The following LEF1 variants were observed in gnomAD, a reference collection of about 807,000 sequenced individuals.
LEF1 encodes lymphoid enhancer-binding factor 1.
Under a neutral mutation model 51.2 loss-of-function variants are expected in LEF1, and 14 were observed. The observed-to-expected ratio is 0.27, with a 90% CI of 0.18 to 0.43. The LOEUF (loss-of-function observed/expected upper bound fraction) is 0.43, where lower values mean the gene tolerates loss of function less well. Among genes scored for constraint, LEF1 ranks in the 20% least tolerant of loss-of-function variants. The pLI is 1.00. For missense variants in LEF1, 386 were observed against 512.0 expected (o/e 0.75, Z 2.37); for synonymous variants, 185 against 183.2 (o/e 1.01, Z -0.08).
At chr4:108,064,223 AAG>A in intron 10 of LEF1, 111 bp downstream of exon 10, 1 of 663,908 alleles carries the variant, frequency 1.5e-6, no homozygotes, top group Non-Finnish European at 2.6e-6. Flanking sequence ...AGCAGAGTTA[AAG>A]CATCATAAGT....
chr4:108,129,785 G>C (rs995263144), intron 3 of LEF1, among the ~76,000 whole-genome samples: 4 of 152,188 alleles, frequency 2.6e-5, no homozygotes. Flanking sequence ...GTTTATGTTA[G>C]TAAAAGGTGG....
intron 11 of LEF1, among the ~76,000 whole-genome samples, chr4:108,049,251 A>G (rs1417845446): frequency 1.3e-5 from 2 of 152,304 alleles, no homozygotes; most frequent in Non-Finnish European, 2.9e-5. Context: ...TCACACTCAC[A>G]GCCCAGAGGA....
intron 3 of LEF1, among the ~76,000 whole-genome samples, chr4:108,107,413 T>A (rs1156728862): frequency 6.6e-6 from 1 of 152,158 alleles, no homozygotes; most frequent in Non-Finnish European, 1.5e-5. Flanking sequence ...TATTAACTTG[T>A]GAGACTATAG....
chr4:108,162,726 A>G (rs1163016597), intron 3 of LEF1, among the ~76,000 whole-genome samples: 4 of 152,036 alleles, frequency 2.6e-5, no homozygotes, highest in Non-Finnish European at 5.9e-5. Flanking sequence ...AGAGAAGGTA[A>G]ATATATTGAT....
At position 108,064,324 on chromosome 4, in the gene LEF1, C is replaced by G. The variant is rs768201350; in HGVS notation, c.1165+12G>C. On this transcript the variant is annotated intron_variant, in intron 10 of 11. Coordinates refer to ENST00000265165, the MANE Select transcript of LEF1 (RefSeq NM_016269.5). ...AGCCTGAGGATTGACTGGAAAGTCT[C>G]ATGGTGCCTACCTGATGCAGATTCC... 3.5e-5 allele frequency: 56 copies of G among 1,605,744 alleles called. No individual in the cohort carries two copies. In the South Asian group the frequency reaches 6.1e-4, roughly 17 times the overall value.
chr4:108,109,994 T>G (rs1480875409), intron 3 of LEF1, among the ~76,000 whole-genome samples: 1 of 152,178 alleles, frequency 6.6e-6, no homozygotes, highest in African/African-American at 2.4e-5. Flanking sequence ...TCCCAGTATT[T>G]CAAGCAATTA....
intron 11 of LEF1, among the ~76,000 whole-genome samples, chr4:108,061,430 C>G (rs747050375): frequency 1.3e-5 from 2 of 152,114 alleles, no homozygotes; most frequent in Non-Finnish European, 2.9e-5. Context: ...AACACCAAAT[C>G]GACTACCAAA....
At chr4:108,166,902 TC>T in intron 1 of LEF1, 1 of 771,904 alleles carries the variant, frequency 1.3e-6, no homozygotes, top group Non-Finnish European at 1.6e-6. Context: ...CACCCACAGC[TC>T]CCAGCTGCTA....
At chr4:108,099,731 T>C (rs1740688084) in intron 3 of LEF1, among the ~76,000 whole-genome samples, 1 of 150,876 alleles carries the variant, frequency 6.6e-6, no homozygotes, top group Non-Finnish European at 1.5e-5. Context: ...CTACATTAGG[T>C]ATTTCTCCAA....
intron 3 of LEF1, among the ~76,000 whole-genome samples, chr4:108,151,684 T>C (rs977101096): frequency 2.0e-5 from 3 of 152,196 alleles, no homozygotes; most frequent in Non-Finnish European, 2.9e-5. Context: ...GAGGATTAAA[T>C]GGGCTAACGC....
At chr4:108,127,690 G>A (rs973538302) in intron 3 of LEF1, among the ~76,000 whole-genome samples, 3 of 152,132 alleles carry the variant, frequency 2.0e-5, no homozygotes, top group Admixed American at 6.5e-5. Context: ...AAATTATCGT[G>A]ACTGTAGGAA....
At chr4:108,149,343 C>T (rs1032748840) in intron 3 of LEF1, among the ~76,000 whole-genome samples, 16 of 147,478 alleles carry the variant, frequency 1.1e-4, no homozygotes, top group Non-Finnish European at 2.2e-4. Flanking sequence ...CCTGTGGTCC[C>T]GGCTACTCGG....
At chr4:108,092,392 C>T (rs1428089270) in intron 3 of LEF1, among the ~76,000 whole-genome samples, 2 of 152,164 alleles carry the variant, frequency 1.3e-5, no homozygotes, top group Non-Finnish European at 2.9e-5. Flanking sequence ...TCCTGCCAAC[C>T]ATCTCCACTA....
At chr4:108,098,819 A>C (rs1298419572) in intron 3 of LEF1, among the ~76,000 whole-genome samples, 4 of 152,262 alleles carry the variant, frequency 2.6e-5, no homozygotes, top group Non-Finnish European at 5.9e-5. Context: ...ACTTGGGTTC[A>C]GCTACTATCA....
chr4:108,158,722 T>TAA (rs879335332), intron 3 of LEF1, among the ~76,000 whole-genome samples: 1 of 144,500 alleles, frequency 6.9e-6, no homozygotes, highest in African/African-American at 2.5e-5. Flanking sequence ...TAAAGAACAT[T>TAA]AAAAAAAAAA....
chr4:108,048,528 GA>G lies in LEF1; in HGVS notation c.*229del. ...AAAAACCTTTTTATGCTTTATTTTGGAACTTGGCTCTTGCAGTAGACGAAAG... is the reference window on the plus strand; with the variant it reads ...AAAAACCTTTTTATGCTTTATTTTGGACTTGGCTCTTGCAGTAGACGAAAG... On this transcript the variant is annotated 3_prime_UTR_variant, in exon 12 of 12. Coordinates refer to ENST00000265165, the MANE Select transcript of LEF1 (RefSeq NM_016269.5). 1 of 462,010 alleles carries G rather than the reference GA, an allele frequency of 2.2e-6. No homozygotes were observed. Among genetic ancestry groups the G allele is most frequent in the South Asian group, 7.8e-5 (1 of 12,890 alleles). 28.6% of individuals were successfully genotyped at this position (462,010 alleles called of 1,614,324 possible).
intron 3 of LEF1, among the ~76,000 whole-genome samples, chr4:108,094,672 A>C (rs1286465088): frequency 6.6e-6 from 1 of 152,028 alleles, no homozygotes; most frequent in African/African-American, 2.4e-5. Flanking sequence ...ACTAAACTAA[A>C]CCCAAAGTGC....
At chr4:108,069,610 A>C (rs1738318601) in intron 9 of LEF1, among the ~76,000 whole-genome samples, 1 of 152,218 alleles carries the variant, frequency 6.6e-6, no homozygotes, top group Non-Finnish European at 1.5e-5. Flanking sequence ...CACTGTTTAT[A>C]AGAAGTGTAA....
chr4:108,090,564 A>G (rs75074786), intron 3 of LEF1, among the ~76,000 whole-genome samples: 3,833 of 152,208 alleles, frequency 0.025, 150 homozygotes, highest in African/African-American at 0.087. Flanking sequence ...TTATTTATTT[A>G]TTATTTATTT....
Sources: gnomAD v4.1 joint callset for allele counts (sites outside exome capture counted in the v4.1 genomes callset) on GRCh38, gnomAD v4.1.1 for gene constraint, MANE v1.5 for transcripts, NCBI Gene and HGNC (gene_info 2026-07-23, HGNC 2026-07-21) for gene names.